The following NTM variants were observed in gnomAD, a reference collection of about 807,000 sequenced individuals.
NTM encodes the protein neurotrimin.
In NTM, 13 loss-of-function variants were observed where a neutral mutation model predicts 42.1. The observed-to-expected ratio is 0.31, with a 90% CI of 0.20 to 0.49. The LOEUF is 0.49. NTM is among the 20% of genes least tolerant of loss of function. The probability of loss-of-function intolerance (pLI) is 0.99; values close to 1 mark genes in which losing one functional copy is unlikely to be tolerated. For missense variants in NTM, 373 were observed against 452.8 expected, an observed-to-expected ratio of 0.82 and a Z score of 1.60; for synonymous variants, 187 against 179.2, an observed-to-expected ratio of 1.04 and a Z score of -0.35.
rs1941054226 is a variant in NTM, at chr11:131,370,781, G to C, written c.-26G>C. The stretch of plus-strand genomic sequence containing the variant: ...GAAAAAAACCGAACCTGACAAAAAA[G>C]AAGAAAAAGAAGAAGAAAAAAAATC... On this transcript the variant is annotated 5_prime_UTR_variant, in exon 1 of 9. Transcript: ENST00000683400. 1.3e-6 allele frequency: 2 copies of C among 1,595,512 alleles called. No homozygotes were observed. Among genetic ancestry groups the C allele is most frequent in the Non-Finnish European group, 1.7e-6 (2 of 1,167,350 alleles).
At chr11:132,095,301 T>TG (rs1159128080) in intron 2 of NTM, among the ~76,000 whole-genome samples, 1 of 152,172 alleles carries the variant, frequency 6.6e-6, no homozygotes, top group African/African-American at 2.4e-5. Context: ...CTTCTCAGAA[T>TG]GGTCAGCCAG....
chr11:132,241,978 G>A (rs1027043858), intron 4 of NTM, among the ~76,000 whole-genome samples: 1 of 152,194 alleles, frequency 6.6e-6, no homozygotes, highest in Non-Finnish European at 1.5e-5. Flanking sequence ...AAATTACTGT[G>A]AGTAAAACCT....
At chr11:132,012,430 A>T (rs1165893413) in intron 2 of NTM, among the ~76,000 whole-genome samples, 5 of 150,354 alleles carry the variant, frequency 3.3e-5, no homozygotes, top group Non-Finnish European at 6.0e-5. Context: ...ATTATTGAGA[A>T]TTTTAAATTA....
At chr11:132,103,477 T>A (rs1343492191) in intron 2 of NTM, among the ~76,000 whole-genome samples, 6 of 152,208 alleles carry the variant, frequency 3.9e-5, no homozygotes, top group Admixed American at 3.9e-4. Flanking sequence ...TCCTACAGTT[T>A]GTCTGGATAA....
intron 2 of NTM, among the ~76,000 whole-genome samples, chr11:131,989,250 A>G (rs2066595093): frequency 6.6e-6 from 1 of 152,234 alleles, no homozygotes; most frequent in South Asian, 2.1e-4. Context: ...TAATTAACAA[A>G]TTAGTATCAA....
intron 1 of NTM, among the ~76,000 whole-genome samples, chr11:131,557,389 C>A (rs1249398316): frequency 6.6e-6 from 1 of 152,122 alleles, no homozygotes; most frequent in East Asian, 1.9e-4. Flanking sequence ...ACTTCAAGCT[C>A]CTCCTGTAAA....
chr11:131,809,771 T>A (rs902243127), intron 1 of NTM, among the ~76,000 whole-genome samples: 1 of 152,198 alleles, frequency 6.6e-6, no homozygotes, highest in African/African-American at 2.4e-5. Context: ...TCAGTTCTTG[T>A]CAAAGACGTG....
At chr11:131,572,945 C>G (rs1250491980) in intron 1 of NTM, among the ~76,000 whole-genome samples, 1 of 152,204 alleles carries the variant, frequency 6.6e-6, no homozygotes. Flanking sequence ...CACCTCTTGT[C>G]TGTCTGCTCC....
intron 1 of NTM, chr11:131,911,174 C>A (rs1304939112): frequency 6.7e-6 from 9 of 1,337,728 alleles, no homozygotes; most frequent in Non-Finnish European, 1.9e-6. Flanking sequence ...CGCGCCCACA[C>A]CTTTCACCTG....
At chr11:132,067,200 C>T (rs144507079) in intron 2 of NTM, among the ~76,000 whole-genome samples, 2 of 152,334 alleles carry the variant, frequency 1.3e-5, no homozygotes, top group Non-Finnish European at 2.9e-5. Flanking sequence ...AAGCAGTCTG[C>T]CTGTTCCCAA....
At chr11:131,578,354 G>C (rs1012954969) in intron 1 of NTM, among the ~76,000 whole-genome samples, 2 of 152,176 alleles carry the variant, frequency 1.3e-5, no homozygotes, top group Non-Finnish European at 2.9e-5. Context: ...CTAACGGCAG[G>C]AAGTAGAGGC....
chr11:131,646,903 C>T (rs894769024), intron 1 of NTM, among the ~76,000 whole-genome samples: 1 of 152,162 alleles, frequency 6.6e-6, no homozygotes, highest in Non-Finnish European at 1.5e-5. Context: ...CACTATTTCT[C>T]GGCCACATTC....
At chr11:132,317,605 T>C (rs2095464495) in intron 7 of NTM, 1 of 1,111,608 alleles carries the variant, frequency 9.0e-7, no homozygotes, top group Non-Finnish European at 1.2e-6. Context: ...GTATATAATA[T>C]ATGTGTTTGT....
chr11:131,854,369 A>G (rs2045899766), intron 1 of NTM, among the ~76,000 whole-genome samples: 1 of 152,254 alleles, frequency 6.6e-6, no homozygotes, highest in Non-Finnish European at 1.5e-5. Context: ...TCTTTTGCTC[A>G]CAAGCACTGT....
rs373337790 is a variant in NTM at position 132,153,658 on chromosome 11, G to T, written c.400+7144G>T. ...AAAATTAAAATGCGTAGCTTCTTAG[G>T]ACATAGGGAGTAGTTGATGAGAAAG... On this transcript the variant is annotated intron_variant, in intron 3 of 8. Coordinates refer to ENST00000683400, the MANE Select transcript of NTM (RefSeq NM_001352005.2). 2.6e-4 allele frequency among the ~76,000 whole-genome samples: 39 copies of T among 152,262 alleles called. 2 individuals carry two copies. In the East Asian group the frequency reaches 3.5e-3, roughly 14 times the overall value.
At chr11:131,439,831 T>C (rs1949462168) in intron 1 of NTM, among the ~76,000 whole-genome samples, 1 of 151,976 alleles carries the variant, frequency 6.6e-6, no homozygotes, top group Non-Finnish European at 1.5e-5. Context: ...GTCCAACTAG[T>C]CCCAGTGAGA....
Position 131,726,681 on chromosome 11 carries a change from G to A in NTM, c.83-184883G>A, listed in dbSNP as rs895268639. Among the ~76,000 whole-genome samples, 41 of 151,162 alleles carry A rather than the reference G, an allele frequency of 2.7e-4. 2 individuals are homozygous for A. The highest frequency in any genetic ancestry group is 8.1e-4 in the African/African-American group (33 of 40,556). ...CCTGCCTTGTAAATAGGCTCATTAC[G>A]TTTCCAAGAACCCAGTCACCCCATT... is the stretch of plus-strand genomic sequence containing the variant. On this transcript the variant is annotated intron_variant, in intron 1 of 8. Coordinates refer to ENST00000683400, the MANE Select transcript of NTM (RefSeq NM_001352005.2).
intron 2 of NTM, among the ~76,000 whole-genome samples, chr11:131,963,880 A>G (rs2134555682): frequency 6.6e-6 from 1 of 152,302 alleles, no homozygotes; most frequent in South Asian, 2.1e-4. Flanking sequence ...ATATTTATGG[A>G]TCAGAAAACA....
chr11:132,187,537 C>G (rs1317128875), intron 3 of NTM, among the ~76,000 whole-genome samples: 3 of 152,160 alleles, frequency 2.0e-5, no homozygotes, highest in Non-Finnish European at 4.4e-5. Flanking sequence ...TTACAGTGCT[C>G]AGGCTGAGGC....
Sources: gnomAD v4.1 joint callset for allele counts (sites outside exome capture counted in the v4.1 genomes callset) on GRCh38, gnomAD v4.1.1 for gene constraint, MANE v1.5 for transcripts, NCBI Gene and HGNC (gene_info 2026-07-23, HGNC 2026-07-21) for gene names.